PTPRN2: variants seen among roughly 807,000 people sequenced by gnomAD.
PTPRN2 encodes receptor-type tyrosine-protein phosphatase N2.
A neutral mutation model predicts 118.8 loss-of-function variants in PTPRN2; 74 were observed. The ratio of observed to expected loss-of-function variants is 0.62; its 90% CI spans 0.52 to 0.76. The LOEUF is 0.76. PTPRN2 is among the 30% of genes least tolerant of loss of function. PTPRN2 has a pLI of 0.00. For missense variants in PTPRN2, 1,481 were observed against 1,394.4 expected (o/e 1.06, Z -0.99); for synonymous variants, 641 against 608.0 (o/e 1.05, Z -0.80).
chr7:158,165,871 G>A (rs1013543049), intron 6 of PTPRN2, among the ~76,000 whole-genome samples: 19 of 152,160 alleles, frequency 1.2e-4, no homozygotes, highest in African/African-American at 2.2e-4. Context: ...TAGCGACACC[G>A]GAAGCCACGG....
rs545410844 is a variant in PTPRN2, at chr7:158,467,992, T to A, written c.163+21743A>T. 5.4e-4 allele frequency among the ~76,000 whole-genome samples: 83 copies of A among 152,300 alleles called. 1 individual carries two copies. The South Asian group carries it at 0.016, about 30-fold the overall frequency. On this transcript the variant is annotated intron_variant, in intron 2 of 22. Coordinates refer to ENST00000389418, the MANE Select transcript of PTPRN2 (RefSeq NM_002847.5). The stretch of plus-strand genomic sequence containing the variant: ...TAGCTAGTCTAGGATGCAACTGGAA[T>A]TGTGGGGCTCAAGTGAAACAATGTG...
chr7:158,391,249 T>C (rs1811901000), intron 2 of PTPRN2, among the ~76,000 whole-genome samples: 1 of 152,196 alleles, frequency 6.6e-6, no homozygotes, highest in Non-Finnish European at 1.5e-5. Context: ...CTGGGGCCAA[T>C]GGCCGAGGAG....
At chr7:157,954,375 C>T (rs1247416682) in intron 11 of PTPRN2, among the ~76,000 whole-genome samples, 1 of 132,502 alleles carries the variant, frequency 7.5e-6, no homozygotes, top group African/African-American at 2.9e-5. Flanking sequence ...GTAGTCTCTG[C>T]ATGTGTGTCT....
chr7:158,156,498 C>T (rs1039078182), intron 6 of PTPRN2, among the ~76,000 whole-genome samples: 22 of 152,188 alleles, frequency 1.4e-4, no homozygotes, highest in Non-Finnish European at 1.9e-4. Flanking sequence ...TGCCCACATT[C>T]GCTAAATGAG....
Position 158,443,063 on chromosome 7 carries a change from CA to C in PTPRN2, c.163+46671del, listed in dbSNP as rs1163332186. On this transcript the variant is annotated intron_variant, in intron 2 of 22. Coordinates refer to ENST00000389418, the MANE Select transcript of PTPRN2 (RefSeq NM_002847.5). ...TAAGTATTAAAAAAAAAAAAAAAAG[CA>C]AAAAAACACCTTTTTTGTTCCCTTT... Among the ~76,000 whole-genome samples the C allele has an allele frequency of 5.9e-5, 8 of 136,168 alleles. No individual in the cohort carries two copies. The East Asian group carries it at 1.1e-3, about 19-fold the overall frequency. The allele number at this position is 136,168 out of a possible 152,430, so 89.3% of individuals were successfully genotyped here. A position where few individuals can be genotyped will look rare whatever the true frequency, so the allele number is the denominator to read the frequency against.
chr7:158,180,097 C>A (rs1585758131), intron 5 of PTPRN2, among the ~76,000 whole-genome samples: 1 of 152,374 alleles, frequency 6.6e-6, no homozygotes, highest in East Asian at 1.9e-4. Context: ...CCCTTGAATT[C>A]TTTCCTGGGC....
intron 2 of PTPRN2, among the ~76,000 whole-genome samples, chr7:158,344,645 G>A (rs1467526267): frequency 2.0e-5 from 3 of 152,268 alleles, no homozygotes; most frequent in East Asian, 1.9e-4. Flanking sequence ...GGTCCCACAC[G>A]TAACCCACCA....
At chr7:157,703,679 C>G (rs1035500064) in intron 12 of PTPRN2, among the ~76,000 whole-genome samples, 1 of 152,134 alleles carries the variant, frequency 6.6e-6, no homozygotes, top group Non-Finnish European at 1.5e-5. Context: ...GGCAAGTTCC[C>G]GGCCAGCCTG....
chr7:158,070,755 G>C (rs1285371776), intron 11 of PTPRN2, among the ~76,000 whole-genome samples: 3 of 129,070 alleles, frequency 2.3e-5, no homozygotes, highest in African/African-American at 3.4e-5. Flanking sequence ...AGGTGCCCGT[G>C]GTGGTGGAGG....
At chr7:157,641,254 G>A (rs1215235482) in intron 14 of PTPRN2, among the ~76,000 whole-genome samples, 1 of 152,082 alleles carries the variant, frequency 6.6e-6, no homozygotes, top group African/African-American at 2.4e-5. Context: ...GGGGAGAGAG[G>A]GAATAAAGAA....
At chr7:158,287,637 C>T (rs1253416066) in intron 3 of PTPRN2, among the ~76,000 whole-genome samples, 2 of 151,864 alleles carry the variant, frequency 1.3e-5, no homozygotes, top group Non-Finnish European at 2.9e-5. Context: ...TCTGAAATTC[C>T]TCCTGTTATT....
intron 12 of PTPRN2, among the ~76,000 whole-genome samples, chr7:157,743,270 T>C (rs1415813402): frequency 6.6e-6 from 1 of 152,120 alleles, no homozygotes; most frequent in African/African-American, 2.4e-5. Context: ...TGGGTTCGAA[T>C]GTCAGCCGCC....
intron 3 of PTPRN2, among the ~76,000 whole-genome samples, chr7:158,278,987 AC>A (rs1799227463): frequency 6.6e-6 from 1 of 152,256 alleles, no homozygotes; most frequent in African/African-American, 2.4e-5. Context: ...GAAGCTGCAG[AC>A]CTTCGAGGTG....
At chr7:157,894,078 G>T (rs1796965627) in intron 12 of PTPRN2, among the ~76,000 whole-genome samples, 1 of 152,170 alleles carries the variant, frequency 6.6e-6, no homozygotes. Context: ...CTTAAAACCT[G>T]CCTGACGCAT....
intron 11 of PTPRN2, among the ~76,000 whole-genome samples, chr7:157,927,584 G>A (rs111512356): frequency 4.8e-5 from 7 of 146,414 alleles, no homozygotes; most frequent in Non-Finnish European, 1.1e-4. Flanking sequence ...CCAGGGACCC[G>A]TCTGAGAGCA....
At chr7:157,577,069 T>C (rs970921581) in intron 18 of PTPRN2, among the ~76,000 whole-genome samples, 3 of 152,194 alleles carry the variant, frequency 2.0e-5, no homozygotes, top group African/African-American at 7.2e-5. Flanking sequence ...CTACTTTCTG[T>C]CTTTTGCATG....
intron 11 of PTPRN2, among the ~76,000 whole-genome samples, chr7:158,018,050 G>T (rs1806573822): frequency 6.6e-6 from 1 of 152,110 alleles, no homozygotes; most frequent in East Asian, 1.9e-4. Context: ...CAGTTTCTGG[G>T]GCCAAGCGAG....
rs932461190 is a variant in PTPRN2 at position 158,438,408 on chromosome 7, T to C, written c.163+51327A>G. Among the ~76,000 whole-genome samples the C allele has an allele frequency of 1.3e-5, 2 of 151,572 alleles. No homozygotes were observed. Among genetic ancestry groups the C allele is most frequent in the African/African-American group, 4.8e-5 (2 of 41,270 alleles). Reference sequence around the variant, plus strand: ...TTTTATTTTATTTTTAATTGACAAATAATTGTACATATTTATGGGCTACGG... The same window carrying C: ...TTTTATTTTATTTTTAATTGACAAACAATTGTACATATTTATGGGCTACGG... On this transcript the variant is annotated intron_variant, in intron 2 of 22. Coordinates refer to ENST00000389418, the MANE Select transcript of PTPRN2 (RefSeq NM_002847.5). The surrounding 1 kb of genome is among the most constrained non-coding windows in gnomAD (Gnocchi z 4.7).
chr7:158,392,008 G>A (rs1477740435), intron 2 of PTPRN2, among the ~76,000 whole-genome samples: 2 of 152,230 alleles, frequency 1.3e-5, no homozygotes, highest in African/African-American at 4.8e-5. Context: ...ACCGTTTGCA[G>A]GGCAGGGATG....
Sources: gnomAD v4.1 joint callset for allele counts (sites outside exome capture counted in the v4.1 genomes callset) on GRCh38, gnomAD v4.1.1 for gene constraint, Gnocchi (gnomAD v3.1) non-coding constraint, MANE v1.5 for transcripts, NCBI Gene and HGNC (gene_info 2026-07-23, HGNC 2026-07-21) for gene names.